CUBN: variants seen among roughly 807,000 people sequenced by gnomAD.
CUBN encodes 460 kDa receptor.
CUBN carries 282 observed loss-of-function variants against 405.3 expected under a neutral mutation model. The ratio of observed to expected loss-of-function variants is 0.70; its 90% CI spans 0.63 to 0.77. CUBN has a LOEUF of 0.77. Among genes scored for constraint, CUBN ranks in the 30% least tolerant of loss-of-function variants. The pLI is 0.00. For missense variants in CUBN, 4,514 were observed against 4,475.2 expected (o/e 1.01, Z -0.25); for synonymous variants, 1,684 against 1,617.0 (o/e 1.04, Z -0.99).
At position 16,934,981 on chromosome 10, in the gene CUBN, T is replaced by C. The variant is rs571337933; in HGVS notation, c.5927-1697A>G. On this transcript the variant is annotated intron_variant, in intron 39 of 66. Coordinates refer to ENST00000377833, the MANE Select transcript of CUBN (RefSeq NM_001081.4). ...TTTCCTGACTGACACACTGACTGCT[T>C]TTCCTACTTGACACATTGAATTTCC... Among the ~76,000 whole-genome samples, 4 of 152,310 alleles carry C rather than the reference T, an allele frequency of 2.6e-5. No individual in the cohort carries two copies. In the South Asian group the frequency reaches 8.3e-4, roughly 32 times the overall value.
chr10:16,953,415 T>A (rs963648476), intron 32 of CUBN, among the ~76,000 whole-genome samples: 1 of 152,168 alleles, frequency 6.6e-6, no homozygotes, highest in African/African-American at 2.4e-5. Flanking sequence ...TACTACAGAA[T>A]ATAAGCGAGT....
intron 14 of CUBN, among the ~76,000 whole-genome samples, chr10:17,088,861 T>C (rs1387626468): frequency 6.6e-6 from 1 of 152,184 alleles, no homozygotes; most frequent in Non-Finnish European, 1.5e-5. Flanking sequence ...TCTGTAGTGA[T>C]CGAGCCACTG....
Position 17,129,110 on chromosome 10 carries a change from C to T in CUBN, c.252+11G>A. 2 of 1,606,418 alleles carry T rather than the reference C, an allele frequency of 1.2e-6. No homozygotes were observed. The highest frequency in any genetic ancestry group is 1.7e-6 in the Non-Finnish European group (2 of 1,173,340). On this transcript the variant is annotated intron_variant, in intron 2 of 66. Coordinates refer to ENST00000377833, the MANE Select transcript of CUBN (RefSeq NM_001081.4). ...ATACAAAATGACTTCAATATATTTC[C>T]AGTGTATTACCTGATGTAAACACTC...
chr10:16,954,431 G>A lies in CUBN; in HGVS notation c.4813C>T (p.Pro1605Ser). ...NSLFLRFQSG[P>S]SRQNRGFRAQ... Reference sequence around the variant, plus strand: ...CGGAAGCCTCTGTTCTGTCTGGAAGGGCCAGACTGAAATCTCAAGAAGAGG... The same window carrying A: ...CGGAAGCCTCTGTTCTGTCTGGAAGAGCCAGACTGAAATCTCAAGAAGAGG... The change falls in exon 32 of 67, where the codon CCT becomes TCT. Residue 1605 changes from proline (P) to serine (S), a missense_variant. Physicochemically the swap from Pro to Ser is moderately conservative, Grantham distance 74. Coordinates refer to ENST00000377833, the MANE Select transcript of CUBN (RefSeq NM_001081.4). The A allele has an allele frequency of 6.2e-7, 1 of 1,614,112 alleles. No individual in the cohort carries two copies. The highest frequency in any genetic ancestry group is 1.1e-5 in the South Asian group (1 of 91,084).
At chr10:17,070,991 G>A (rs1444660711) in intron 19 of CUBN, among the ~76,000 whole-genome samples, 2 of 152,210 alleles carry the variant, frequency 1.3e-5, no homozygotes, top group East Asian at 1.9e-4. Flanking sequence ...GATGTTAGAT[G>A]TGAGTTTTTA....
At position 16,824,623 on chromosome 10, in the gene CUBN, C is replaced by A. The variant is rs1279131909; in HGVS notation, c.*352G>T. On this transcript the variant is annotated 3_prime_UTR_variant, in exon 67 of 67. Transcript: ENST00000377833. ...GCAACCTCTGCCTCCTGGGTTCAAGCAATTCTCCTGCCTCAGCCTCTCGAG... is the reference window on the plus strand; with the variant it reads ...GCAACCTCTGCCTCCTGGGTTCAAGAAATTCTCCTGCCTCAGCCTCTCGAG... 2 of 327,076 alleles carry A rather than the reference C, an allele frequency of 6.1e-6. No individual in the cohort carries two copies. The highest frequency in any genetic ancestry group is 1.2e-5 in the Non-Finnish European group (2 of 166,316). 20.3% of individuals were successfully genotyped at this position (327,076 alleles called of 1,614,324 possible).
intron 57 of CUBN, 39 bp from the exon 58 acceptor site, chr10:16,874,542 T>G: frequency 6.2e-7 from 1 of 1,612,890 alleles, no homozygotes. Flanking sequence ...AGAACAACGA[T>G]TAGTCCCAGC....
chr10:17,086,072 T>G (rs1219618521), intron 15 of CUBN, among the ~76,000 whole-genome samples: 1 of 151,826 alleles, frequency 6.6e-6, no homozygotes, highest in Non-Finnish European at 1.5e-5. Context: ...TTCAAGCAAT[T>G]CTCCTGCCTC....
At chr10:17,118,599 C>T (rs571667001) in intron 6 of CUBN, among the ~76,000 whole-genome samples, 1 of 152,226 alleles carries the variant, frequency 6.6e-6, no homozygotes, top group Non-Finnish European at 1.5e-5. Context: ...AGCACGTAAG[C>T]TAAGTATTGC....
chr10:17,063,444 T>C (rs945184103), intron 22 of CUBN, among the ~76,000 whole-genome samples: 15 of 152,216 alleles, frequency 9.9e-5, no homozygotes, highest in African/African-American at 3.6e-4. Context: ...GGAGAATCTT[T>C]TGAGTTTCTA....
chr10:16,910,447 T>C (rs920153078), intron 48 of CUBN, among the ~76,000 whole-genome samples: 7 of 152,180 alleles, frequency 4.6e-5, no homozygotes, highest in African/African-American at 1.4e-4. Flanking sequence ...AACTAAAGAC[T>C]CAGAAGAAAA....
intron 15 of CUBN, among the ~76,000 whole-genome samples, 169 bp from the exon 16 acceptor site, chr10:17,085,928 CCTT>C (rs1438979610): frequency 6.6e-6 from 1 of 151,874 alleles, no homozygotes; most frequent in African/African-American, 2.4e-5. Flanking sequence ...AAGTGTGTCT[CCTT>C]CTCCCATCAC....
chr10:16,930,891 T>G (rs1842344101), intron 40 of CUBN, among the ~76,000 whole-genome samples: 1 of 152,160 alleles, frequency 6.6e-6, no homozygotes, highest in Admixed American at 6.5e-5. Context: ...TGCTTCAGAA[T>G]GTTACATGCT....
Position 16,952,278 on chromosome 10 carries a change from G to T in CUBN, c.4967C>A (p.Pro1656Gln). 6.2e-7 allele frequency: 1 copy of T among 1,608,496 alleles called. No homozygotes were observed. Among genetic ancestry groups the T allele is most frequent in the Non-Finnish European group, 8.5e-7 (1 of 1,175,118 alleles). Residue 1656 changes from proline (P) to glutamine (Q), a missense_variant and splice_region_variant, in exon 33 of 67, where the codon CCA (proline) becomes CAA (glutamine). Pro to Gln is a moderately conservative substitution (Grantham distance 76, BLOSUM62 -1). This residue lies in a region of CUBN where 1,613 missense variants were observed against 1,542.8 expected (regional missense o/e 1.05). Coordinates refer to ENST00000377833, the MANE Select transcript of CUBN (RefSeq NM_001081.4). ...TCTTTTTCATTTTTGTTACTTACAT[G>T]GAGGTTGCGCTTGAATGATCCAGCT... ...NCSWIIQAQPPLNHITLSFTH... is the reference protein window; with the variant it reads ...NCSWIIQAQPQLNHITLSFTH...
chr10:16,898,839 G>A (rs1841271983), intron 54 of CUBN, among the ~76,000 whole-genome samples, 157 bp downstream of exon 54: 1 of 152,124 alleles, frequency 6.6e-6, no homozygotes, highest in Admixed American at 6.6e-5. Context: ...AGAAATTCTA[G>A]CTCCTAACAG....
chr10:17,031,407 T>C (rs1242847264), intron 27 of CUBN, among the ~76,000 whole-genome samples: 1 of 149,444 alleles, frequency 6.7e-6, no homozygotes, highest in Non-Finnish European at 1.5e-5. Flanking sequence ...TCATTGACTC[T>C]TATTACTCCG....
intron 22 of CUBN, among the ~76,000 whole-genome samples, chr10:17,054,526 C>T (rs1308134921): frequency 6.6e-6 from 1 of 151,382 alleles, no homozygotes; most frequent in Non-Finnish European, 1.5e-5. Flanking sequence ...TAAACAATGT[C>T]AAAAATTGGT....
At chr10:16,968,197 T>A (rs1843455706) in intron 31 of CUBN, among the ~76,000 whole-genome samples, 1 of 152,158 alleles carries the variant, frequency 6.6e-6, no homozygotes, top group African/African-American at 2.4e-5. Flanking sequence ...ACATCATGGG[T>A]GGTGTATTAC....
chr10:16,913,934 G>A lies in CUBN; in HGVS notation c.7410C>T (p.Asn2470=). The change falls in exon 48 of 67, where the codon AAC becomes AAT. Residue 2470 remains asparagine, a synonymous_variant. Coordinates refer to ENST00000377833, the MANE Select transcript of CUBN (RefSeq NM_001081.4). The stretch of plus-strand genomic sequence containing the variant: ...CGCAGATCCGGCCATGAGGATTTGG[G>A]TTCGGGTAGTTGGGAGAAGTAAATG... ...IGTFTSPNYP[N]PNPHGRICEW... is the part of the protein sequence containing the mutation. 2 of 1,614,120 alleles carry A rather than the reference G, an allele frequency of 1.2e-6. No homozygotes were observed. The highest frequency in any genetic ancestry group is 1.7e-6 in the Non-Finnish European group (2 of 1,180,014).
Sources: allele counts gnomAD v4.1 joint callset (sites outside exome capture counted in the v4.1 genomes callset), GRCh38; gene constraint gnomAD v4.1.1; regional missense constraint gnomAD v4.1.1; transcripts MANE v1.5; gene names NCBI Gene and HGNC (gene_info 2026-07-23, HGNC 2026-07-21).